VPS72: variants seen among roughly 807,000 people sequenced by gnomAD.
VPS72 encodes the protein vacuolar protein sorting-associated protein 72 homolog.
A neutral mutation model predicts 38.9 loss-of-function variants in VPS72; 27 were observed. The ratio of observed to expected loss-of-function variants is 0.69; its 90% CI spans 0.51 to 0.96. The LOEUF (loss-of-function observed/expected upper bound fraction) is 0.96. VPS72 is among the 40% of genes least tolerant of loss of function. VPS72 has a pLI of 0.00. For missense variants in VPS72, 360 were observed against 479.5 expected, an observed-to-expected ratio of 0.75 and a Z score of 2.33; for synonymous variants, 173 against 186.3, an observed-to-expected ratio of 0.93 and a Z score of 0.58.
intron 5 of VPS72, among the ~76,000 whole-genome samples, chr1:151,177,630 G>T (rs949394088): frequency 1.3e-5 from 2 of 152,114 alleles, no homozygotes; most frequent in African/African-American, 4.8e-5. Flanking sequence ...ATTTTAGGAA[G>T]ATGAAGCGGG....
chr1:151,176,672 G>C lies in VPS72; in HGVS notation c.1067C>G (p.Ala356Gly). 1.2e-6 allele frequency: 2 copies of C among 1,613,912 alleles called. No individual in the cohort carries two copies. Among genetic ancestry groups the C allele is most frequent in the Non-Finnish European group, 1.7e-6 (2 of 1,179,974 alleles). Residue 356 changes from alanine to glycine, a missense_variant, in exon 6 of 6, where the codon GCC becomes GGC. Around this residue, in one of 2 missense-constraint regions of VPS72, gnomAD observed 294 missense variants for 356.3 expected, o/e 0.83. Transcript: ENST00000368892. ...TTTAATGACAATTTTCTGGCGCAAG[G>C]CTCGGGGCCCAGAGCCAGGGAGGGG... ...PEPLPGSGPR[A>G]LRQKIVIK
At position 151,185,833 on chromosome 1, in the gene VPS72, T is replaced by C. The variant is rs1164717488; in HGVS notation, c.235A>G (p.Arg79Gly). 1 of 1,614,090 alleles carries C rather than the reference T, an allele frequency of 6.2e-7. No homozygotes were observed. Among genetic ancestry groups the C allele is most frequent in the Non-Finnish European group, 8.5e-7 (1 of 1,180,050 alleles). Residue 79 changes from arginine (R) to glycine (G), a missense_variant, in exon 2 of 6, where the codon AGA becomes GGA. Around this residue, in one of 2 missense-constraint regions of VPS72, gnomAD observed 66 missense variants for 123.1 expected, o/e 0.54. Transcript: ENST00000368892. ...TTGGTGACTACTCGGCGCTTCCTTCTTGGCTCTTCTGCTTCTCCATCACTG... is the reference window on the plus strand; with the variant it reads ...TTGGTGACTACTCGGCGCTTCCTTCCTGGCTCTTCTGCTTCTCCATCACTG... ...PSSDGEAEEP[R>G]RKRRVVTKAY... is the part of the protein sequence containing the mutation.
chr1:151,176,957 C>G lies in VPS72; in HGVS notation c.782G>C (p.Cys261Ser). The G allele has an allele frequency of 6.2e-7, 1 of 1,610,908 alleles. No homozygotes were observed. The highest frequency in any genetic ancestry group is 1.7e-4 in the Middle Eastern group (1 of 6,046). The change falls in exon 6 of 6, where the codon TGC becomes TCC. Residue 261 changes from cysteine to serine, a missense_variant. Cys to Ser is a moderately radical substitution (Grantham distance 112). This residue lies in a region of VPS72 where 294 missense variants were observed against 356.3 expected (regional missense o/e 0.83). Transcript: ENST00000368892. ...ACTAAAAGTGATGAAGGTACGTGAG[C>G]AGCGAGCAGGGGGGTTGACGGGTCC... ...GTGPVNPPAR[C>S]SRTFITFSDD...
At chr1:151,181,035 G>C (rs1684226777) in intron 4 of VPS72, among the ~76,000 whole-genome samples, 1 of 152,120 alleles carries the variant, frequency 6.6e-6, no homozygotes, top group African/African-American at 2.4e-5. Context: ...TGTGCCAAGA[G>C]TCTAGATTAA....
At chr1:151,188,333 G>T (rs1279677807) in intron 1 of VPS72, among the ~76,000 whole-genome samples, 2 of 152,164 alleles carry the variant, frequency 1.3e-5, no homozygotes, top group Admixed American at 6.6e-5. Flanking sequence ...ACCACACCCA[G>T]CCCCTAAGTC....
chr1:151,187,703 T>C (rs1207589890), intron 1 of VPS72, among the ~76,000 whole-genome samples: 1 of 152,230 alleles, frequency 6.6e-6, no homozygotes. Flanking sequence ...TGAAAAAGTT[T>C]GTGTCTCTTG....
intron 4 of VPS72, among the ~76,000 whole-genome samples, chr1:151,182,268 A>G (rs1426395163): frequency 6.6e-6 from 1 of 152,004 alleles, no homozygotes; most frequent in East Asian, 1.9e-4. Flanking sequence ...ACCTCAGATG[A>G]TCCACCCGCC....
rs1018823661 is a variant in VPS72 at position 151,176,906 on chromosome 1, A to T, written c.833T>A (p.Phe278Tyr). 4.3e-6 allele frequency: 7 copies of T among 1,613,826 alleles called. No individual in the cohort carries two copies. The African/African-American group carries it at 9.3e-5, about 22-fold the overall frequency. Residue 278 changes from phenylalanine to tyrosine, a missense_variant, in exon 6 of 6, where the codon TTC becomes TAC. Around this residue, in one of 2 missense-constraint regions of VPS72, gnomAD observed 294 missense variants for 356.3 expected, o/e 0.83. Transcript: ENST00000368892. ...FSDDATFEEW[F>Y]PQGRPPKVPV... ...GACTTTTGGGGGCCGCCCTTGGGGG[A>T]ACCATTCCTCGAAAGTTGCATCATC...
At chr1:151,182,965 C>A (rs1684271992) in intron 4 of VPS72, among the ~76,000 whole-genome samples, 1 of 152,148 alleles carries the variant, frequency 6.6e-6, no homozygotes, top group Non-Finnish European at 1.5e-5. Flanking sequence ...ATTTTCAGCC[C>A]AGATCTCTTA....
At chr1:151,179,816 G>A (rs1684200465) in intron 4 of VPS72, among the ~76,000 whole-genome samples, 1 of 152,126 alleles carries the variant, frequency 6.6e-6, no homozygotes, top group Admixed American at 6.6e-5. Flanking sequence ...GCTTGAACCT[G>A]GGAGGCGGAG....
At chr1:151,186,545 C>T (rs1453965279) in intron 1 of VPS72, among the ~76,000 whole-genome samples, 4 of 143,858 alleles carry the variant, frequency 2.8e-5, no homozygotes, top group African/African-American at 7.8e-5. Context: ...GGCGACAGGG[C>T]GAGACACAGT....
In VPS72 at chr1:151,176,834, C is replaced by A. The variant is rs377377226; in HGVS notation, c.905G>T (p.Arg302Leu). Residue 302 changes from arginine (R) to leucine (L), a missense_variant, in exon 6 of 6, where the codon CGG (arginine) becomes CTG (leucine). Around this residue, in one of 2 missense-constraint regions of VPS72, gnomAD observed 294 missense variants for 356.3 expected, o/e 0.83. Coordinates refer to ENST00000368892, the MANE Select transcript of VPS72 (RefSeq NM_005997.3). Reference sequence around the variant, plus strand: ...ATAGGGTATGTCTGTAACAGGGTCCCGGTATAGGGCTGGACGATGGGTCAC... The same window carrying A: ...ATAGGGTATGTCTGTAACAGGGTCCAGGTATAGGGCTGGACGATGGGTCAC... The part of the protein sequence containing the change: ...CPVTHRPALY[R>L]DPVTDIPYAT... The A allele has an allele frequency of 1.1e-5, 18 of 1,613,962 alleles. No homozygotes were observed. The highest frequency in any genetic ancestry group is 1.4e-5 in the Non-Finnish European group (17 of 1,180,028).
At chr1:151,185,236 C>T (rs1429683572) in intron 3 of VPS72, among the ~76,000 whole-genome samples, 1 of 152,090 alleles carries the variant, frequency 6.6e-6, no homozygotes, top group Non-Finnish European at 1.5e-5. Flanking sequence ...AGCAATTCTC[C>T]TGCCTCAGCC....
chr1:151,184,874 C>T (rs1032467095), intron 3 of VPS72, among the ~76,000 whole-genome samples: 2 of 152,072 alleles, frequency 1.3e-5, no homozygotes, highest in African/African-American at 2.4e-5. Context: ...CATGAGCAAC[C>T]GTGCCTGGCC....
chr1:151,181,393 A>G (rs1684238036), intron 4 of VPS72, among the ~76,000 whole-genome samples: 1 of 151,946 alleles, frequency 6.6e-6, no homozygotes, highest in African/African-American at 2.4e-5. Flanking sequence ...ACAGGCACGC[A>G]CCACCATGCC....
chr1:151,187,615 G>A (rs1217077916), intron 1 of VPS72, among the ~76,000 whole-genome samples: 1 of 152,186 alleles, frequency 6.6e-6, no homozygotes, highest in Non-Finnish European at 1.5e-5. Flanking sequence ...AAAAGAGAAT[G>A]TTTGTATATC....
At chr1:151,182,120 C>T (rs1228731880) in intron 4 of VPS72, among the ~76,000 whole-genome samples, 10 of 152,130 alleles carry the variant, frequency 6.6e-5, no homozygotes, top group African/African-American at 1.9e-4. Flanking sequence ...CCCCGCCTCC[C>T]GGGTTCAAGT....
chr1:151,182,526 A>C (rs1487079094), intron 4 of VPS72, among the ~76,000 whole-genome samples: 1 of 152,156 alleles, frequency 6.6e-6, no homozygotes, highest in East Asian at 1.9e-4. Context: ...ACTTTACCTT[A>C]ATCTCACACC....
At chr1:151,184,542 T>TTTTA (rs780353976) in intron 3 of VPS72, 49 bp from the exon 4 acceptor site, 22 of 1,497,012 alleles carry the variant, frequency 1.5e-5, no homozygotes, top group Non-Finnish European at 1.8e-5. Context: ...TGTCCACATA[T>TTTTA]TTTATTTATT....
Sources: gnomAD v4.1 joint callset for allele counts (sites outside exome capture counted in the v4.1 genomes callset) on GRCh38, gnomAD v4.1.1 for gene constraint, gnomAD v4.1.1 regional missense constraint, MANE v1.5 for transcripts, NCBI Gene and HGNC (gene_info 2026-07-23, HGNC 2026-07-21) for gene names.